Variants in MANBA observed in about 807,000 individuals in gnomAD.
The protein encoded by MANBA is mannosidase beta, also known as beta-mannosidase.
A neutral mutation model predicts 111.1 loss-of-function variants in MANBA; 83 were observed. The observed-to-expected ratio is 0.75, with a 90% CI of 0.63 to 0.90. The LOEUF (loss-of-function observed/expected upper bound fraction) is 0.90, where lower values mean the gene tolerates loss of function less well. MANBA is among the 40% of genes least tolerant of loss of function. The pLI is 0.00. For synonymous variants in MANBA, 370 were observed against 378.7 expected, an observed-to-expected ratio of 0.98 and a Z score of 0.27; for missense variants, 1,036 against 1,069.0, an observed-to-expected ratio of 0.97 and a Z score of 0.43.
rs755414752 is a variant in MANBA at position 102,650,616 on chromosome 4, T to C, written c.1790A>G (p.Tyr597Cys). The C allele has an allele frequency of 1.2e-6, 2 of 1,613,426 alleles. No individual in the cohort carries two copies. The highest frequency in any genetic ancestry group is 2.2e-5 in the East Asian group (1 of 44,866). Residue 597 changes from tyrosine (Y) to cysteine (C), a missense_variant, in exon 13 of 17, where the codon TAT becomes TGT. By Grantham distance (194) the Tyr-to-Cys change is radical. Transcript: ENST00000647097. ...GAGTTTGAAATGAAGTCCAGCCTGA[T>C]AAAGCATTTGTTTGTTACCACCTTC... Reference protein sequence around the residue: ...HHEGGNKQMLYQAGLHFKLPQ... With the variant: ...HHEGGNKQMLCQAGLHFKLPQ...
chr4:102,689,233 C>A (rs1384141828), intron 7 of MANBA, among the ~76,000 whole-genome samples: 1 of 151,780 alleles, frequency 6.6e-6, no homozygotes, highest in Non-Finnish European at 1.5e-5. Flanking sequence ...CCTGTAATCC[C>A]ATCTACTTGG....
At chr4:102,695,683 C>T (rs1395215404) in intron 5 of MANBA, among the ~76,000 whole-genome samples, 2 of 152,152 alleles carry the variant, frequency 1.3e-5, no homozygotes, top group African/African-American at 4.8e-5. Flanking sequence ...GCCAAGGGTC[C>T]AGGTTTCCTA....
rs932674019 is a variant in MANBA, at chr4:102,631,437, T to G, written c.*620A>C. 8 of 253,126 alleles carry G rather than the reference T, an allele frequency of 3.2e-5. No individual in the cohort carries two copies. The highest frequency in any genetic ancestry group is 1.6e-4 in the Admixed American group (3 of 18,476). The allele number at this position is 253,126 out of a possible 1,614,324, so 15.7% of individuals were successfully genotyped here. ...TGGAAATTAGGGTCCAGCACAGTAT[T>G]GGGCAAAATTGAATATTTATAGAAC... On this transcript the variant is annotated 3_prime_UTR_variant, in exon 17 of 17. Transcript: ENST00000647097.
In MANBA at chr4:102,639,824, C is replaced by G. The variant is rs1243282973; in HGVS notation, c.1903G>C (p.Glu635Gln). The G allele has an allele frequency of 2.3e-5, 37 of 1,613,998 alleles. No homozygotes were observed. Among genetic ancestry groups the G allele is most frequent in the Non-Finnish European group, 2.8e-5 (33 of 1,180,006 alleles). ...MQAQCVKTET[E>Q]FYRRSRSEIV... Reference sequence around the variant, plus strand: ...TCGCTGCGACTACGGCGGTAGAATTCAGTTTCTGTTTTGACACACTGGGCC... The same window carrying G: ...TCGCTGCGACTACGGCGGTAGAATTGAGTTTCTGTTTTGACACACTGGGCC... Residue 635 changes from glutamate to glutamine, a missense_variant, in exon 14 of 17, where the codon GAA (glutamate) becomes CAA (glutamine). Glu to Gln is a conservative substitution (Grantham distance 29). Coordinates refer to ENST00000647097, the MANE Select transcript of MANBA (RefSeq NM_005908.4).
intron 7 of MANBA, among the ~76,000 whole-genome samples, chr4:102,686,119 C>G (rs939932008): frequency 6.6e-6 from 1 of 152,184 alleles, no homozygotes; most frequent in African/African-American, 2.4e-5. Flanking sequence ...AATCTACTCA[C>G]TGCTACTAGA....
At chr4:102,742,677 T>C (rs1056966645) in intron 1 of MANBA, among the ~76,000 whole-genome samples, 3 of 152,174 alleles carry the variant, frequency 2.0e-5, no homozygotes, top group African/African-American at 7.2e-5. Context: ...TGGATTACCA[T>C]GATGGTGGAT....
chr4:102,638,134 C>T (rs1729709517), intron 14 of MANBA, among the ~76,000 whole-genome samples: 1 of 152,106 alleles, frequency 6.6e-6, no homozygotes, highest in Non-Finnish European at 1.5e-5. Flanking sequence ...ATTAACAAAG[C>T]ACTTTTAGGC....
chr4:102,757,831 C>T (rs2110215575), intron 1 of MANBA, among the ~76,000 whole-genome samples: 1 of 152,316 alleles, frequency 6.6e-6, no homozygotes, highest in African/African-American at 2.4e-5. Flanking sequence ...GAATAAAAGC[C>T]AAAGTGTTTC....
intron 1 of MANBA, chr4:102,751,982 T>C (rs754140069): frequency 2.8e-6 from 2 of 721,338 alleles, no homozygotes; most frequent in Non-Finnish European, 5.3e-6. Flanking sequence ...GCAGAGTCTA[T>C]AGCTGTTGAT....
In MANBA at chr4:102,635,939, C is replaced by A; in HGVS notation, c.2083G>T (p.Gly695Cys). The A allele has an allele frequency of 1.2e-6, 2 of 1,612,180 alleles. No individual in the cohort carries two copies. The highest frequency in any genetic ancestry group is 1.7e-6 in the Non-Finnish European group (2 of 1,178,188). ...QNFFAPLLPV[G>C]FENENTFYIY... Reference sequence around the variant, plus strand: ...TAGAACGTGTTTTCATTCTCAAAGCCTACTGGCAACAGTGGAGCAAAGAAA... The same window carrying A: ...TAGAACGTGTTTTCATTCTCAAAGCATACTGGCAACAGTGGAGCAAAGAAA... Residue 695 changes from glycine (G) to cysteine (C), a missense_variant, in exon 15 of 17, where the codon GGC becomes TGC. Coordinates refer to ENST00000647097, the MANE Select transcript of MANBA (RefSeq NM_005908.4).
intron 12 of MANBA, among the ~76,000 whole-genome samples, chr4:102,655,815 G>A (rs765336465): frequency 2.6e-5 from 4 of 152,168 alleles, no homozygotes; most frequent in Non-Finnish European, 5.9e-5. Context: ...AATTTTTTGT[G>A]CTGTAAGTGA....
chr4:102,633,642 C>A (rs1418577248), intron 16 of MANBA, among the ~76,000 whole-genome samples: 14 of 152,150 alleles, frequency 9.2e-5, no homozygotes, highest in Admixed American at 9.2e-4. Flanking sequence ...TGAGATAGAA[C>A]AAAGAAAGAG....
chr4:102,728,075 A>T, intron 1 of MANBA: 1 of 530,224 alleles, frequency 1.9e-6, no homozygotes, highest in Non-Finnish European at 3.8e-6. Flanking sequence ...AGGCACGCCC[A>T]TGGAGAAGGG....
At chr4:102,755,107 T>C (rs1408727471) in intron 1 of MANBA, among the ~76,000 whole-genome samples, 11 of 152,128 alleles carry the variant, frequency 7.2e-5, no homozygotes, top group Non-Finnish European at 1.6e-4. Flanking sequence ...CTTCACAGAA[T>C]TGGAAAAAAC....
intron 13 of MANBA, among the ~76,000 whole-genome samples, chr4:102,640,218 T>A (rs1250807353): frequency 1.3e-5 from 2 of 152,236 alleles, no homozygotes; most frequent in Non-Finnish European, 2.9e-5. Context: ...CTAGATTATT[T>A]TCACTGAAAA....
At chr4:102,646,535 A>G (rs1730112495) in intron 13 of MANBA, among the ~76,000 whole-genome samples, 1 of 152,168 alleles carries the variant, frequency 6.6e-6, no homozygotes, top group African/African-American at 2.4e-5. Flanking sequence ...ACACATGAAG[A>G]ATAAACAAAA....
intron 4 of MANBA, among the ~76,000 whole-genome samples, chr4:102,722,150 T>C (rs1161574231): frequency 4.0e-5 from 6 of 151,642 alleles, no homozygotes; most frequent in African/African-American, 7.3e-5. Context: ...TATAATATAA[T>C]GGGTAATGGG....
intron 13 of MANBA, among the ~76,000 whole-genome samples, chr4:102,640,249 G>C (rs1025666227): frequency 1.3e-5 from 2 of 152,118 alleles, no homozygotes; most frequent in Non-Finnish European, 2.9e-5. Context: ...TACCTTCATA[G>C]CTATTTTTAA....
At chr4:102,656,489 TG>T (rs1730562956) in intron 12 of MANBA, among the ~76,000 whole-genome samples, 1 of 152,102 alleles carries the variant, frequency 6.6e-6, no homozygotes, top group African/African-American at 2.4e-5. Context: ...AAATGCAAAA[TG>T]GTGCAATCAC....
Sources: gnomAD v4.1 joint callset for allele counts (sites outside exome capture counted in the v4.1 genomes callset) on GRCh38, gnomAD v4.1.1 for gene constraint, MANE v1.5 for transcripts, NCBI Gene and HGNC (gene_info 2026-07-23, HGNC 2026-07-21) for gene names.